The following FMNL2 variants were observed in gnomAD, a reference collection of about 807,000 sequenced individuals.
FMNL2 encodes the protein formin like 2, also known as formin-like protein 2.
A neutral mutation model predicts 130.2 loss-of-function variants in FMNL2; 51 were observed. That is an observed-to-expected ratio of 0.39 (90% CI 0.31 to 0.49). The LOEUF is 0.49. FMNL2 is among the 20% of genes least tolerant of loss of function. FMNL2 has a pLI of 0.85. For synonymous variants in FMNL2, 465 were observed against 467.1 expected (o/e 1.00, Z 0.06); for missense variants, 977 against 1,316.2 (o/e 0.74, Z 3.99).
At position 152,375,877 on chromosome 2, in the gene FMNL2, C is replaced by CTCTCTCTCTCTATATATATATATATATA. The variant is rs796954245; in HGVS notation, c.117+40158_117+40159insCTCTCTCTCTATATATATATATATATAT. Among the ~76,000 whole-genome samples the CTCTCTCTCTCTATATATATATATATATA allele has an allele frequency of 2.7e-5, 3 of 112,476 alleles. No individual in the cohort carries two copies. In the South Asian group the frequency reaches 1.1e-3, roughly 40 times the overall value. The allele number at this position is 112,476 out of a possible 152,430, so 73.8% of individuals were successfully genotyped here. ...TCTCTCTCTCTCTCTCTCTCTCTCT[C>CTCTCTCTCTCTATATATATATATATATA]TATATATATATATATATATAATTAT... On this transcript the variant is annotated intron_variant, in intron 1 of 25. Coordinates refer to ENST00000288670, the MANE Select transcript of FMNL2 (RefSeq NM_052905.4).
At position 152,624,067 on chromosome 2, in the gene FMNL2, TC is replaced by T. The variant is rs1559019578; in HGVS notation, c.1838-1367del. Among the ~76,000 whole-genome samples, 5 of 3,164 alleles carry T rather than the reference TC, an allele frequency of 1.6e-3. 1 individual carries two copies. The highest frequency in any genetic ancestry group is 2.8e-3 in the Non-Finnish European group (5 of 1,816). 2.1% of individuals were successfully genotyped at this position (3,164 alleles called of 152,430 possible). A position where few individuals can be genotyped will look rare whatever the true frequency, so the allele number is the denominator to read the frequency against. On this transcript the variant is annotated intron_variant, in intron 15 of 25. Transcript: ENST00000288670. Reference sequence around the variant, plus strand: ...TTCCCTCCCCTCCCCTCCCCTCCCCTCCCCTCCACTCAATTCCCTTCGCCTC... The same window carrying T: ...TTCCCTCCCCTCCCCTCCCCTCCCCTCCCTCCACTCAATTCCCTTCGCCTC...
At chr2:152,588,774 C>T (rs1308374301) in intron 9 of FMNL2, among the ~76,000 whole-genome samples, 2 of 152,100 alleles carry the variant, frequency 1.3e-5, no homozygotes, top group African/African-American at 4.8e-5. Flanking sequence ...AAAAGGCCCC[C>T]TTGCTTATCC....
At chr2:152,615,591 G>T (rs1474771114) in intron 12 of FMNL2, among the ~76,000 whole-genome samples, 1 of 152,138 alleles carries the variant, frequency 6.6e-6, no homozygotes, top group Non-Finnish European at 1.5e-5. Flanking sequence ...TTCTTTGAGG[G>T]ATTTTTCTTG....
At chr2:152,622,061 ATGCAT>A (rs1383453184) in intron 15 of FMNL2, among the ~76,000 whole-genome samples, 3 of 152,150 alleles carry the variant, frequency 2.0e-5, no homozygotes, top group African/African-American at 7.2e-5. Flanking sequence ...AGTGTGAAAT[ATGCAT>A]TTGAAGAAGA....
rs572319293 is a variant in FMNL2, at chr2:152,502,089, AG to A, written c.118-19853del. 1.7e-3 allele frequency among the ~76,000 whole-genome samples: 266 copies of A among 152,284 alleles called. 2 individuals carry two copies. Among genetic ancestry groups the A allele is most frequent in the Non-Finnish European group, 5.0e-4 (34 of 68,028 alleles). Reference sequence around the variant, plus strand: ...GTTCTTCGTGCGAGTCTATAGGGTAAGTTCTTCTTGTGGAAAACACTTGGGT... The same window carrying A: ...GTTCTTCGTGCGAGTCTATAGGGTAATTCTTCTTGTGGAAAACACTTGGGT... On this transcript the variant is annotated intron_variant, in intron 1 of 25. Transcript: ENST00000288670.
intron 1 of FMNL2, among the ~76,000 whole-genome samples, chr2:152,358,486 A>G (rs1682973880): frequency 6.6e-6 from 1 of 152,082 alleles, no homozygotes; most frequent in Non-Finnish European, 1.5e-5. Flanking sequence ...ACCCCTGTCT[A>G]CTAAAAGTAC....
intron 9 of FMNL2, among the ~76,000 whole-genome samples, chr2:152,591,487 A>G (rs13423731): frequency 0.05 from 7,630 of 152,300 alleles, 453 homozygotes; most frequent in East Asian, 0.17. Context: ...ACCCCGTTAC[A>G]GGGTTAGGGG....
At chr2:152,580,377 TTAGTAAAGC>T (rs1696716552) in intron 8 of FMNL2, among the ~76,000 whole-genome samples, 2 of 152,236 alleles carry the variant, frequency 1.3e-5, no homozygotes, top group Admixed American at 6.5e-5. Flanking sequence ...TATTCTTGTG[TTAGTAAAGC>T]TAGTAAAGCT....
chr2:152,364,342 T>A (rs4664104), intron 1 of FMNL2, among the ~76,000 whole-genome samples: 12,764 of 150,582 alleles, frequency 0.085, 622 homozygotes, highest in African/African-American at 0.13. Context: ...AATTTTGTTT[T>A]TTATTTACAG....
chr2:152,616,775 C>CT (rs1374092291), intron 12 of FMNL2, among the ~76,000 whole-genome samples: 1 of 152,126 alleles, frequency 6.6e-6, no homozygotes, highest in Non-Finnish European at 1.5e-5. Context: ...TGGAGGTGGA[C>CT]TTTCCCTCCT....
chr2:152,354,865 C>T (rs564316459), intron 1 of FMNL2, among the ~76,000 whole-genome samples: 8 of 152,202 alleles, frequency 5.3e-5, no homozygotes, highest in South Asian at 2.1e-4. Flanking sequence ...ATTGCATGGG[C>T]GGAAGCTGTG....
intron 6 of FMNL2, among the ~76,000 whole-genome samples, chr2:152,562,637 C>T (rs925778579): frequency 9.9e-5 from 15 of 151,842 alleles, no homozygotes; most frequent in African/African-American, 3.4e-4. Flanking sequence ...AGCAGTGTTT[C>T]AATTCACCTT....
intron 1 of FMNL2, among the ~76,000 whole-genome samples, chr2:152,421,535 T>TTCA (rs1323912274): frequency 3.9e-5 from 6 of 152,194 alleles, no homozygotes; most frequent in Admixed American, 2.0e-4. Flanking sequence ...CTATGTGAAA[T>TTCA]GCACAGACAT....
At chr2:152,392,520 G>A (rs1013246008) in intron 1 of FMNL2, among the ~76,000 whole-genome samples, 90 of 152,166 alleles carry the variant, frequency 5.9e-4, no homozygotes, top group South Asian at 2.1e-4. Flanking sequence ...CGATCAAGGT[G>A]CCAGCATTTG....
At chr2:152,488,534 G>C (rs561823988) in intron 1 of FMNL2, among the ~76,000 whole-genome samples, 1 of 152,242 alleles carries the variant, frequency 6.6e-6, no homozygotes, top group African/African-American at 2.4e-5. Context: ...GAAAAACTGA[G>C]ATAACGTATA....
chr2:152,640,891 G>T lies in FMNL2; in HGVS notation c.3146G>T (p.Gly1049Val). ...AGACATGTATATGAGGGAAAAGATG[G>T]TGCCATTGAAGATATTATCACAGGT... ...DNRHVYEGKD[G>V]AIEDIITDLR... Residue 1049 changes from glycine (G) to valine (V), a missense_variant, in exon 25 of 26, where the codon GGT becomes GTT. Physicochemically the swap from Gly to Val is moderately radical, Grantham distance 109. Transcript: ENST00000288670. 6.2e-7 allele frequency: 1 copy of T among 1,613,780 alleles called. No individual in the cohort carries two copies. The highest frequency in any genetic ancestry group is 8.5e-7 in the Non-Finnish European group (1 of 1,179,774).
At chr2:152,469,423 C>G (rs913062545) in intron 1 of FMNL2, among the ~76,000 whole-genome samples, 7 of 152,246 alleles carry the variant, frequency 4.6e-5, no homozygotes, top group Admixed American at 2.0e-4. Context: ...CTACTTTTCT[C>G]TAGCCTCCTT....
At chr2:152,588,712 G>A (rs927814793) in intron 9 of FMNL2, among the ~76,000 whole-genome samples, 3 of 152,060 alleles carry the variant, frequency 2.0e-5, no homozygotes, top group Non-Finnish European at 4.4e-5. Context: ...GTTTTAAAGA[G>A]CTTAGGGCAT....
intron 1 of FMNL2, among the ~76,000 whole-genome samples, chr2:152,512,677 A>G (rs563906045): frequency 6.6e-6 from 1 of 152,224 alleles, no homozygotes. Context: ...GATAATTCAC[A>G]TGAGATTTAG....
Sources: gnomAD v4.1 joint callset for allele counts (sites outside exome capture counted in the v4.1 genomes callset) on GRCh38, gnomAD v4.1.1 for gene constraint, MANE v1.5 for transcripts, NCBI Gene and HGNC (gene_info 2026-07-23, HGNC 2026-07-21) for gene names.